DENND4C: variants seen among roughly 807,000 people sequenced by gnomAD.
The protein encoded by DENND4C is DENN domain-containing protein 4C.
DENND4C carries 108 observed loss-of-function variants against 203.0 expected under a neutral mutation model. The ratio of observed to expected loss-of-function variants is 0.53; its 90% CI spans 0.46 to 0.62. The LOEUF is 0.62. DENND4C is among the 20% of genes least tolerant of loss of function. The probability of loss-of-function intolerance (pLI) is 0.00; values close to 1 mark genes in which losing one functional copy is unlikely to be tolerated. For synonymous variants in DENND4C, 871 were observed against 792.4 expected, an observed-to-expected ratio of 1.10 and a Z score of -1.67; for missense variants, 2,481 against 2,301.2, an observed-to-expected ratio of 1.08 and a Z score of -1.60.
At chr9:19,299,952 C>T (rs1280903962) in intron 8 of DENND4C, among the ~76,000 whole-genome samples, 1 of 152,198 alleles carries the variant, frequency 6.6e-6, no homozygotes, top group Admixed American at 6.5e-5. Context: ...CTTCTGAGCT[C>T]AACTCAAATG....
intron 6 of DENND4C, among the ~76,000 whole-genome samples, chr9:19,296,667 G>T (rs930432451): frequency 6.6e-6 from 1 of 152,060 alleles, no homozygotes; most frequent in Non-Finnish European, 1.5e-5. Context: ...TCCCTTCTTC[G>T]CCTGAATCAT....
chr9:19,243,230 A>G (rs1270062830), intron 1 of DENND4C, among the ~76,000 whole-genome samples: 5 of 152,190 alleles, frequency 3.3e-5, no homozygotes, highest in Non-Finnish European at 7.3e-5. Flanking sequence ...CATTTCATAG[A>G]AATGAAGTCA....
At chr9:19,290,532 CA>C (rs1836076948) in intron 4 of DENND4C, among the ~76,000 whole-genome samples, 171 bp from the exon 5 acceptor site, 1 of 152,056 alleles carries the variant, frequency 6.6e-6, no homozygotes, top group African/African-American at 2.4e-5. Context: ...GGTAAAATAT[CA>C]GGGGTAAACT....
chr9:19,326,218 T>C, intron 15 of DENND4C, 24 bp downstream of exon 15: 2 of 1,591,462 alleles, frequency 1.3e-6, no homozygotes, highest in Non-Finnish European at 1.7e-6. Flanking sequence ...TTAAAAGAGC[T>C]TAATGGCACA....
At chr9:19,272,929 G>A (rs1234506421) in intron 1 of DENND4C, among the ~76,000 whole-genome samples, 209 of 144,828 alleles carry the variant, frequency 1.4e-3, no homozygotes, top group African/African-American at 5.1e-3. Context: ...CACTACGCCT[G>A]GCTAATTTTT....
chr9:19,288,955 A>G (rs1218035703), intron 4 of DENND4C, among the ~76,000 whole-genome samples: 2 of 152,260 alleles, frequency 1.3e-5, no homozygotes, highest in African/African-American at 4.8e-5. Flanking sequence ...TTAACAGTAT[A>G]ATGGAAAGTT....
chr9:19,271,616 A>C (rs112155662), intron 1 of DENND4C, among the ~76,000 whole-genome samples: 2,107 of 152,298 alleles, frequency 0.014, 42 homozygotes, highest in African/African-American at 0.048. Flanking sequence ...CTGTAATCCC[A>C]GCACTTTGGG....
chr9:19,245,915 C>G (rs182079385), intron 1 of DENND4C, among the ~76,000 whole-genome samples: 13 of 151,560 alleles, frequency 8.6e-5, no homozygotes, highest in African/African-American at 2.7e-4. Flanking sequence ...TTTCTACTAA[C>G]TCACATACTC....
chr9:19,360,980 T>A (rs887534045), intron 29 of DENND4C, among the ~76,000 whole-genome samples: 5 of 152,138 alleles, frequency 3.3e-5, no homozygotes, highest in Non-Finnish European at 5.9e-5. Flanking sequence ...TTCAAGTGAT[T>A]CTCCTGCCTC....
intron 10 of DENND4C, among the ~76,000 whole-genome samples, chr9:19,307,769 CAA>C (rs398046460): frequency 2.4e-4 from 21 of 89,228 alleles, no homozygotes; most frequent in African/African-American, 4.8e-4. Context: ...GACTCTGTCT[CAA>C]AAAAAAAAAA....
intron 30 of DENND4C, among the ~76,000 whole-genome samples, chr9:19,363,773 G>A (rs2132255202): frequency 6.6e-6 from 1 of 152,266 alleles, no homozygotes; most frequent in Middle Eastern, 3.4e-3. Flanking sequence ...CACTTTGGGA[G>A]ATCGAGGCAG....
chr9:19,239,489 G>T (rs1823140959), intron 1 of DENND4C, among the ~76,000 whole-genome samples: 2 of 150,792 alleles, frequency 1.3e-5, no homozygotes, highest in Non-Finnish European at 3.0e-5. Flanking sequence ...TTTTAAGATG[G>T]AGTCTCGCTG....
intron 12 of DENND4C, among the ~76,000 whole-genome samples, chr9:19,321,664 G>T (rs779162966): frequency 6.6e-6 from 1 of 151,788 alleles, no homozygotes; most frequent in Non-Finnish European, 1.5e-5. Context: ...GGCAAACATG[G>T]CGAAACCCTG....
chr9:19,368,794 T>C (rs941841599), intron 30 of DENND4C, among the ~76,000 whole-genome samples: 1 of 150,504 alleles, frequency 6.6e-6, no homozygotes, highest in African/African-American at 2.5e-5. Flanking sequence ...AGTGAAAAAC[T>C]GTCTAAAAAG....
At chr9:19,252,062 G>A (rs1043592781) in intron 1 of DENND4C, among the ~76,000 whole-genome samples, 2 of 152,168 alleles carry the variant, frequency 1.3e-5, no homozygotes, top group Non-Finnish European at 2.9e-5. Context: ...TTCTCACGCT[G>A]CTAATAAAGG....
At position 19,330,560 on chromosome 9, in the gene DENND4C, G is replaced by A. The variant is rs550445721; in HGVS notation, c.2254-1418G>A. On this transcript the variant is annotated intron_variant, in intron 16 of 32. Coordinates refer to ENST00000434457, the MANE Select transcript of DENND4C (RefSeq NM_001330640.2). ...TTACCATGTTGGCCAGGATGATCTC[G>A]ATCTCTTGACCTTGTGATCCACCTG... Among the ~76,000 whole-genome samples the A allele has an allele frequency of 8.2e-4, 125 of 151,708 alleles. 1 individual carries two copies. The highest frequency in any genetic ancestry group is 6.6e-4 in the Non-Finnish European group (45 of 67,898).
chr9:19,281,609 T>C lies in DENND4C; in HGVS notation c.305+5130T>C, dbSNP rs72698391. ...CTTTTCTCTAGAAAAGATGTTAAGT[T>C]AAAATATGTAAAATCTGATATTCCC... is the stretch of plus-strand genomic sequence containing the variant. On this transcript the variant is annotated intron_variant, in intron 2 of 32. Coordinates refer to ENST00000434457, the MANE Select transcript of DENND4C (RefSeq NM_001330640.2). Among the ~76,000 whole-genome samples, 1,373 of 152,300 alleles carry C rather than the reference T, an allele frequency of 9.0e-3. 6 individuals carry two copies. Among genetic ancestry groups the C allele is most frequent in the Non-Finnish European group, 0.014 (982 of 68,016 alleles).
intron 5 of DENND4C, among the ~76,000 whole-genome samples, chr9:19,291,703 TAAA>T (rs61007729): frequency 3.4e-3 from 456 of 135,498 alleles, no homozygotes; most frequent in African/African-American, 7.4e-3. Flanking sequence ...ATACTCTTTC[TAAA>T]AAAAAAAAAA....
chr9:19,252,129 A>G (rs1256179903), intron 1 of DENND4C, among the ~76,000 whole-genome samples: 2 of 152,226 alleles, frequency 1.3e-5, no homozygotes, highest in Non-Finnish European at 2.9e-5. Flanking sequence ...TTACAGTTCC[A>G]TGTGGCTGGG....
Sources: allele counts gnomAD v4.1 joint callset (sites outside exome capture counted in the v4.1 genomes callset), GRCh38; gene constraint gnomAD v4.1.1; transcripts MANE v1.5; gene names NCBI Gene and HGNC (gene_info 2026-07-23, HGNC 2026-07-21).